The following TBC1D9 variants were observed in gnomAD, a reference collection of about 807,000 sequenced individuals.
The protein encoded by TBC1D9 is TBC1 domain family member 9, also known as TBC1 domain family member 9A.
A neutral mutation model predicts 132.0 loss-of-function variants in TBC1D9; 63 were observed. That is an observed-to-expected ratio of 0.48 (90% CI 0.39 to 0.59). The LOEUF (loss-of-function observed/expected upper bound fraction) is 0.59, where lower values mean the gene tolerates loss of function less well. Ranked by LOEUF, TBC1D9 falls within the 20% of genes least tolerant of loss-of-function variation. The pLI is 0.00. For missense variants in TBC1D9, 1,261 were observed against 1,592.7 expected (o/e 0.79, Z 3.54); for synonymous variants, 610 against 609.9 (o/e 1.00, Z 0.00).
chr4:140,677,871 T>G (rs1737649142), intron 5 of TBC1D9, among the ~76,000 whole-genome samples: 1 of 152,216 alleles, frequency 6.6e-6, no homozygotes, highest in Non-Finnish European at 1.5e-5. Context: ...ATCCTTTCCA[T>G]GCTTTCTCTA....
At chr4:140,630,226 T>G (rs1736770574) in intron 16 of TBC1D9, among the ~76,000 whole-genome samples, 2 of 152,192 alleles carry the variant, frequency 1.3e-5, no homozygotes, top group South Asian at 4.1e-4. Context: ...CATAACTAAT[T>G]CAAGTTTTGT....
At chr4:140,707,461 A>G (rs917088310) in intron 1 of TBC1D9, among the ~76,000 whole-genome samples, 5 of 152,194 alleles carry the variant, frequency 3.3e-5, no homozygotes, top group Non-Finnish European at 7.3e-5. Context: ...CTTTTGGCTC[A>G]GTACTTCCTC....
chr4:140,625,787 G>T (rs558712429), intron 18 of TBC1D9, among the ~76,000 whole-genome samples: 1 of 152,308 alleles, frequency 6.6e-6, no homozygotes, highest in South Asian at 2.1e-4. Flanking sequence ...ATACAAAACT[G>T]TATAGGTAGT....
chr4:140,722,005 T>C (rs116484828), intron 1 of TBC1D9, among the ~76,000 whole-genome samples: 5,144 of 152,262 alleles, frequency 0.034, 134 homozygotes, highest in Non-Finnish European at 0.046. Context: ...CTCCCAGGTC[T>C]GGCCTGTCCC....
intron 1 of TBC1D9, among the ~76,000 whole-genome samples, chr4:140,729,410 A>G (rs1300693274): frequency 2.0e-5 from 3 of 152,180 alleles, no homozygotes; most frequent in Non-Finnish European, 4.4e-5. Flanking sequence ...ACTGCAATTT[A>G]TCCATCACAA....
rs1737058692 is a variant in TBC1D9, at chr4:140,644,110, C to T, written c.2338-4682G>A. The T allele has an allele frequency of 7.9e-6, 3 of 380,214 alleles. No homozygotes were observed. In the South Asian group the frequency reaches 8.1e-5, roughly 10 times the overall value. 23.6% of individuals were successfully genotyped at this position (380,214 alleles called of 1,614,324 possible). On this transcript the variant is annotated intron_variant, in intron 13 of 20. Coordinates refer to ENST00000442267, the MANE Select transcript of TBC1D9 (RefSeq NM_015130.3). Reference sequence around the variant, plus strand: ...AGCACATCAGGGGCCAGGCCATCCGCATCGGCGGCCACTGTGGGCTGCCCC... The same window carrying T: ...AGCACATCAGGGGCCAGGCCATCCGTATCGGCGGCCACTGTGGGCTGCCCC...
Position 140,622,179 on chromosome 4 carries a change from C to G in TBC1D9, c.*16G>C, listed in dbSNP as rs749994695. ...TCCCCTCCCTCTCCTCCCACTCCCC[C>G]GGGAAGGCGCCCGTGTCAGCCGGAC... On this transcript the variant is annotated 3_prime_UTR_variant, in exon 21 of 21. Coordinates refer to ENST00000442267, the MANE Select transcript of TBC1D9 (RefSeq NM_015130.3). 17 of 1,557,550 alleles carry G rather than the reference C, an allele frequency of 1.1e-5. No individual in the cohort carries two copies. Among genetic ancestry groups the G allele is most frequent in the East Asian group, 2.3e-5 (1 of 43,818 alleles).
chr4:140,658,064 G>A (rs1008665474), intron 11 of TBC1D9, among the ~76,000 whole-genome samples: 2 of 152,146 alleles, frequency 1.3e-5, no homozygotes, highest in Admixed American at 1.3e-4. Context: ...ACAATTATAA[G>A]GGTTGTTGAG....
At position 140,676,905 on chromosome 4, in the gene TBC1D9, G is replaced by A; in HGVS notation, c.1048C>T (p.Pro350Ser). 6.2e-7 allele frequency: 1 copy of A among 1,613,876 alleles called. No individual in the cohort carries two copies. Among genetic ancestry groups the A allele is most frequent in the Non-Finnish European group, 8.5e-7 (1 of 1,179,834 alleles). The change falls in exon 6 of 21, where the codon CCG becomes TCG. Residue 350 changes from proline (P) to serine (S), a missense_variant. Physicochemically the swap from Pro to Ser is moderately conservative, Grantham distance 74 (BLOSUM62 -1). Transcript: ENST00000442267. ...KEENLCSLII[P>S]LREVTIVEKA... ...TATCAGATACTTACCTCACGGAGCG[G>A]GATAATGAGGCTACATAAGTTCTCC...
At chr4:140,724,109 A>G (rs1426272655) in intron 1 of TBC1D9, among the ~76,000 whole-genome samples, 1 of 152,200 alleles carries the variant, frequency 6.6e-6, no homozygotes, top group South Asian at 2.1e-4. Flanking sequence ...CATTTGAGAT[A>G]CTAAATGTCA....
chr4:140,745,909 A>T (rs528431432), intron 1 of TBC1D9, among the ~76,000 whole-genome samples: 44 of 152,304 alleles, frequency 2.9e-4, no homozygotes, highest in African/African-American at 9.1e-4. Flanking sequence ...GGCTTCATGA[A>T]TATCACTTTG....
At chr4:140,734,040 C>G (rs2111070846) in intron 1 of TBC1D9, among the ~76,000 whole-genome samples, 1 of 152,238 alleles carries the variant, frequency 6.6e-6, no homozygotes, top group South Asian at 2.1e-4. Context: ...ATGGTAAATG[C>G]TATTACCGAG....
intron 1 of TBC1D9, among the ~76,000 whole-genome samples, chr4:140,723,419 C>T (rs1177228467): frequency 4.6e-5 from 7 of 152,304 alleles, no homozygotes; most frequent in South Asian, 2.1e-4. Context: ...CTGAAACCTC[C>T]GCCTCCTGGG....
In TBC1D9 at chr4:140,755,906, C is replaced by T. The variant is rs1041590418; in HGVS notation, c.130+10G>A. 1 of 1,543,556 alleles carries T rather than the reference C, an allele frequency of 6.5e-7. No individual in the cohort carries two copies. Among genetic ancestry groups the T allele is most frequent in the Non-Finnish European group, 8.7e-7 (1 of 1,147,932 alleles). Reference sequence around the variant, plus strand: ...GCTCCCCTCCTGCAGGGATCGGCCACGGTCCTTACCCGCCAGTCCGCCGCC... The same window carrying T: ...GCTCCCCTCCTGCAGGGATCGGCCATGGTCCTTACCCGCCAGTCCGCCGCC... On this transcript the variant is annotated intron_variant, in intron 1 of 20. Coordinates refer to ENST00000442267, the MANE Select transcript of TBC1D9 (RefSeq NM_015130.3).
At chr4:140,632,784 G>A (rs1312838035) in intron 16 of TBC1D9, among the ~76,000 whole-genome samples, 2 of 152,168 alleles carry the variant, frequency 1.3e-5, no homozygotes, top group Non-Finnish European at 2.9e-5. Context: ...CAAATTAAAT[G>A]CATGTGAATT....
chr4:140,701,663 T>G, intron 1 of TBC1D9, 49 bp from the exon 2 acceptor site: 7 of 1,417,136 alleles, frequency 4.9e-6, no homozygotes, highest in Non-Finnish European at 6.9e-6. Flanking sequence ...CTTAGTACTT[T>G]CCCACATTCC....
At chr4:140,686,875 G>C (rs888523947) in intron 2 of TBC1D9, among the ~76,000 whole-genome samples, 11 of 152,044 alleles carry the variant, frequency 7.2e-5, no homozygotes, top group African/African-American at 2.7e-4. Context: ...AACAATATGA[G>C]AGCTTTGGTA....
intron 13 of TBC1D9, among the ~76,000 whole-genome samples, chr4:140,641,350 C>A (rs1329894994): frequency 6.6e-6 from 1 of 152,170 alleles, no homozygotes; most frequent in Non-Finnish European, 1.5e-5. Context: ...CTTTGTGAGC[C>A]TTTGACCTCT....
At chr4:140,652,275 C>T (rs1290444169) in intron 13 of TBC1D9, among the ~76,000 whole-genome samples, 2 of 151,326 alleles carry the variant, frequency 1.3e-5, no homozygotes, top group East Asian at 1.9e-4. Context: ...TTTGTTAATA[C>T]ATGAATAGAC....
Sources: allele counts gnomAD v4.1 joint callset (sites outside exome capture counted in the v4.1 genomes callset), GRCh38; gene constraint gnomAD v4.1.1; transcripts MANE v1.5; gene names NCBI Gene and HGNC (gene_info 2026-07-23, HGNC 2026-07-21).